The following TFR2 variants were observed in gnomAD, a reference collection of about 807,000 sequenced individuals.
TFR2 encodes the protein transferrin receptor 2.
TFR2 carries 64 observed loss-of-function variants against 91.9 expected under a neutral mutation model. That is an observed-to-expected ratio of 0.70 (90% CI 0.57 to 0.86). The LOEUF is 0.86. Ranked by LOEUF, TFR2 falls within the 40% of genes least tolerant of loss-of-function variation. TFR2 has a pLI of 0.00. For synonymous variants in TFR2, 454 were observed against 459.6 expected (o/e 0.99, Z 0.15); for missense variants, 950 against 1,080.5 (o/e 0.88, Z 1.69).
intron 17 of TFR2, among the ~76,000 whole-genome samples, chr7:100,622,974 A>C (rs755121534): frequency 6.9e-4 from 10 of 14,520 alleles, no homozygotes; most frequent in South Asian, 1.6e-3. Context: ...ACAAAACCAA[A>C]CAAACAAACA....
intron 16 of TFR2, 126 bp from the exon 17 acceptor site, chr7:100,627,029 TAGACGAGGAC>T: frequency 7.1e-7 from 1 of 1,410,370 alleles, no homozygotes. Context: ...AGGGAGGAGG[TAGACGAGGAC>T]AGAGTGCTGG....
In TFR2 at chr7:100,633,056, T is replaced by C. The variant is rs370098845; in HGVS notation, c.794A>G (p.Asp265Gly). 1.9e-5 allele frequency: 30 copies of C among 1,613,526 alleles called. No homozygotes were observed. The highest frequency in any genetic ancestry group is 2.7e-5 in the African/African-American group (2 of 74,906). The stretch of plus-strand genomic sequence containing the variant: ...CACCAGCAGCAGGCGGCCCACTGGA[T>C]CCACGCCCCTGGCCCGCAGGTCCTG... ...DLQDLRARGV[D>G]PVGRLLLVRV... The change falls in exon 6 of 18, where the codon GAT (aspartate) becomes GGT (glycine). Residue 265 changes from aspartate (D) to glycine (G), a missense_variant. Asp to Gly is a moderately conservative substitution (Grantham distance 94). Transcript: ENST00000223051.
intron 17 of TFR2, 62 bp from the exon 18 acceptor site, chr7:100,621,188 T>A (rs1803101215): frequency 7.0e-7 from 1 of 1,426,894 alleles, no homozygotes; most frequent in Non-Finnish European, 9.2e-7. Context: ...AAGGCCCGAG[T>A]CACCCTTCCC....
chr7:100,632,860 C>A (rs1392292870), intron 6 of TFR2, 141 bp downstream of exon 6: 3 of 1,434,988 alleles, frequency 2.1e-6, no homozygotes, highest in Non-Finnish European at 2.9e-6. Flanking sequence ...TGAGAACCAT[C>A]GTGCCCAGCT....
chr7:100,625,053 CTTTTTCTTTTTTT>C (rs1439088447), intron 17 of TFR2, among the ~76,000 whole-genome samples: 1 of 121,924 alleles, frequency 8.2e-6, no homozygotes, highest in Non-Finnish European at 1.6e-5. Context: ...TTTTCTTTTT[CTTTTTCTTTTTTT>C]TTTTTTTTTT....
rs746694637 is a variant in TFR2 at position 100,631,840 on chromosome 7, G to A, written c.1072C>T (p.Pro358Ser). Residue 358 changes from proline (P) to serine (S), a missense_variant, in exon 8 of 18, where the codon CCC (proline) becomes TCC (serine). Physicochemically the swap from Pro to Ser is moderately conservative, Grantham distance 74. Transcript: ENST00000223051. ...SSGLPSIPAQ[P>S]ISADIASRLL... Reference sequence around the variant, plus strand: ...CGGGAGGCAATGTCTGCACTGATGGGCTGGGCTGGGATGCTGGGAAGGCCT... The same window carrying A: ...CGGGAGGCAATGTCTGCACTGATGGACTGGGCTGGGATGCTGGGAAGGCCT... 2.5e-6 allele frequency: 4 copies of A among 1,613,670 alleles called. No homozygotes were observed. The highest frequency in any genetic ancestry group is 2.2e-5 in the East Asian group (1 of 44,814).
chr7:100,626,894 G>T lies in TFR2; in HGVS notation c.2005C>A (p.Leu669Met). ...EFSGDLKARGLTLQWVYSARG... is the reference protein window; with the variant it reads ...EFSGDLKARGMTLQWVYSARG... ...GCCGAGTACACCCACTGCAGGGTCA[G>T]CCCGCGGGCCTGGGGTGGGGAGGCG... Residue 669 changes from leucine (L) to methionine (M), a missense_variant, in exon 17 of 18, where the codon CTG (leucine) becomes ATG (methionine). Physicochemically the swap from Leu to Met is conservative, Grantham distance 15. Coordinates refer to ENST00000223051, the MANE Select transcript of TFR2 (RefSeq NM_003227.4). The T allele has an allele frequency of 6.5e-7, 1 of 1,541,004 alleles. No homozygotes were observed.
intron 17 of TFR2, 34 bp downstream of exon 17, chr7:100,626,729 C>A (rs1409243817): frequency 6.5e-7 from 1 of 1,534,250 alleles, no homozygotes; most frequent in African/African-American, 1.4e-5. Flanking sequence ...AGGGGCGGGA[C>A]ACTGGGGGCG....
In TFR2 at chr7:100,631,788, C is replaced by T; in HGVS notation, c.1106+18G>A. 6.2e-7 allele frequency: 1 copy of T among 1,609,270 alleles called. No individual in the cohort carries two copies. Among genetic ancestry groups the T allele is most frequent in the Non-Finnish European group, 8.5e-7 (1 of 1,177,188 alleles). On this transcript the variant is annotated intron_variant, in intron 8 of 17. Coordinates refer to ENST00000223051, the MANE Select transcript of TFR2 (RefSeq NM_003227.4). ...TCTCTCTGCTTCCTCCTCTTCTGGT[C>T]CCCAACACTCCCCTCACCTCAGCAG...
intron 17 of TFR2, among the ~76,000 whole-genome samples, chr7:100,624,560 T>A (rs1434434907): frequency 1.3e-5 from 2 of 152,166 alleles, no homozygotes; most frequent in African/African-American, 2.4e-5. Context: ...AGCATGGCTG[T>A]TTCAATAAAA....
intron 9 of TFR2, 60 bp from the exon 10 acceptor site, chr7:100,629,432 C>T: frequency 1.2e-6 from 2 of 1,608,070 alleles, no homozygotes; most frequent in Non-Finnish European, 8.5e-7. Flanking sequence ...TGGGGGCATC[C>T]TCCATCTGCC....
intron 16 of TFR2, 22 bp from the exon 17 acceptor site, chr7:100,626,925 TG>T: frequency 6.5e-7 from 1 of 1,531,168 alleles, no homozygotes; most frequent in Non-Finnish European, 8.8e-7. Context: ...AGGCGCGGGC[TG>T]GGGCTGGCGG....
intron 4 of TFR2, 37 bp from the exon 5 acceptor site, chr7:100,633,377 C>T: frequency 6.2e-7 from 1 of 1,608,608 alleles, no homozygotes; most frequent in Non-Finnish European, 8.5e-7. Context: ...CGAGCCGCGT[C>T]CCCCTCCCCG....
intron 1 of TFR2, 36 bp downstream of exon 1, chr7:100,641,441 A>G: frequency 6.2e-7 from 1 of 1,613,036 alleles, no homozygotes; most frequent in Non-Finnish European, 8.5e-7. Context: ...CTTAGAGAGA[A>G]GGCCTAAGGG....
rs1307260441 is a variant in TFR2 at position 100,629,311 on chromosome 7, A to G, written c.1332T>C (p.Ala444=). The change falls in exon 10 of 18, where the codon GCT becomes GCC. Residue 444 remains alanine (A), a synonymous_variant. Coordinates refer to ENST00000223051, the MANE Select transcript of TFR2 (RefSeq NM_003227.4). ...GCTCCAGGAGTATAGCCGTCCCCAC[A>G]GCGGATTTAGCTGCTCCTGGGCCCC... is the stretch of plus-strand genomic sequence containing the variant. The part of the protein sequence containing the change: ...DAWGPGAAKS[A]VGTAILLELV... The G allele has an allele frequency of 6.2e-7, 1 of 1,614,006 alleles. No homozygotes were observed. The highest frequency in any genetic ancestry group is 2.2e-5 in the East Asian group (1 of 44,890).
intron 9 of TFR2, among the ~76,000 whole-genome samples, chr7:100,630,230 TCCTTTC>T (rs1375901053): frequency 2.0e-5 from 3 of 150,230 alleles, no homozygotes; most frequent in African/African-American, 2.4e-5. Context: ...CTTCCTTCCT[TCCTTTC>T]TCTCTCTCTC....
chr7:100,624,084 AT>A (rs1344432673), intron 17 of TFR2, among the ~76,000 whole-genome samples: 1 of 151,886 alleles, frequency 6.6e-6, no homozygotes, highest in African/African-American at 2.4e-5. Flanking sequence ...ATAAATAAAA[AT>A]AAAAACTCCC....
chr7:100,639,241 C>G (rs1303799881), intron 3 of TFR2, among the ~76,000 whole-genome samples: 1 of 152,134 alleles, frequency 6.6e-6, no homozygotes, highest in South Asian at 2.1e-4. Flanking sequence ...ATGGCACACA[C>G]CTGTAATCCC....
chr7:100,626,719 A>AG (rs1562837423), intron 17 of TFR2, 44 bp downstream of exon 17: 4 of 1,359,006 alleles, frequency 2.9e-6, no homozygotes, highest in South Asian at 1.3e-5. Context: ...GCCCCAGGGG[A>AG]GGGGCGGGAC....
Sources: gnomAD v4.1 joint callset for allele counts (sites outside exome capture counted in the v4.1 genomes callset) on GRCh38, gnomAD v4.1.1 for gene constraint, MANE v1.5 for transcripts, NCBI Gene and HGNC (gene_info 2026-07-23, HGNC 2026-07-21) for gene names.